SCLT1: variants seen among roughly 807,000 people sequenced by gnomAD.
The protein encoded by SCLT1 is sodium channel and clathrin linker 1, also known as sodium channel-associated protein 1.
In SCLT1, 78 loss-of-function variants were observed where a neutral mutation model predicts 112.8. The ratio of observed to expected loss-of-function variants is 0.69; its 90% confidence interval spans 0.58 to 0.83. SCLT1 has a LOEUF of 0.83. Among genes scored for constraint, SCLT1 ranks in the 40% least tolerant of loss-of-function variants. SCLT1 has a pLI of 0.00. For missense variants in SCLT1, 747 were observed against 770.4 expected, an observed-to-expected ratio of 0.97 and a Z score of 0.36; for synonymous variants, 257 against 254.7, an observed-to-expected ratio of 1.01 and a Z score of -0.09.
intron 12 of SCLT1, among the ~76,000 whole-genome samples, chr4:128,958,622 G>A (rs562265930): frequency 6.6e-6 from 1 of 152,136 alleles, no homozygotes; most frequent in East Asian, 1.9e-4. Flanking sequence ...GGCTTCAGAG[G>A]GTAGAGATAA....
chr4:129,059,924 T>A (rs570245863), intron 2 of SCLT1, among the ~76,000 whole-genome samples: 2 of 152,316 alleles, frequency 1.3e-5, no homozygotes, highest in African/African-American at 2.4e-5. Context: ...AGCTATTATT[T>A]CATTAATAGG....
chr4:128,936,707 C>T lies in SCLT1; in HGVS notation c.1777G>A (p.Glu593Lys). The T allele has an allele frequency of 6.2e-7, 1 of 1,609,784 alleles. No individual in the cohort carries two copies. The highest frequency in any genetic ancestry group is 8.5e-7 in the Non-Finnish European group (1 of 1,178,784). ...TQQKAANRWK[E>K]ETKKLTESAE... ...CTTTCAGTAAGTTTCTTCGTTTCTT[C>T]TTTCCACCTATTGGCTGCCTTCTGT... Residue 593 changes from glutamate to lysine, a missense_variant, in exon 18 of 21, where the codon GAA becomes AAA. This residue lies in a region of SCLT1 where 723 missense variants were observed against 721.3 expected (regional missense o/e 1.00). Coordinates refer to ENST00000281142, the MANE Select transcript of SCLT1 (RefSeq NM_144643.4).
At chr4:128,962,495 G>A (rs1037394832) in intron 11 of SCLT1, among the ~76,000 whole-genome samples, 1 of 152,012 alleles carries the variant, frequency 6.6e-6, no homozygotes, top group Admixed American at 6.6e-5. Context: ...CCTTTATACT[G>A]ATAATATTAG....
At position 129,033,102 on chromosome 4, in the gene SCLT1, G is replaced by A. The variant is rs527823141; in HGVS notation, c.290+5939C>T. Among the ~76,000 whole-genome samples, 3 of 152,194 alleles carry A rather than the reference G, an allele frequency of 2.0e-5. No homozygotes were observed. The South Asian group carries it at 6.2e-4, about 32-fold the overall frequency. ...CCAACCCAAATGCCCATCAATGAGAGACTGGATAAAGAAAATGTGGCACAT... is the reference window on the plus strand; with the variant it reads ...CCAACCCAAATGCCCATCAATGAGAAACTGGATAAAGAAAATGTGGCACAT... On this transcript the variant is annotated intron_variant, in intron 5 of 20. Transcript: ENST00000281142.
At chr4:128,956,682 C>T (rs1277772472) in intron 13 of SCLT1, among the ~76,000 whole-genome samples, 5 of 151,984 alleles carry the variant, frequency 3.3e-5, no homozygotes, top group Non-Finnish European at 7.4e-5. Flanking sequence ...TTTTTCTAAA[C>T]TGATGGAAGT....
chr4:129,017,105 G>A (rs1212361951), intron 5 of SCLT1, among the ~76,000 whole-genome samples: 1 of 151,810 alleles, frequency 6.6e-6, no homozygotes, highest in Non-Finnish European at 1.5e-5. Context: ...AATCTCAGGA[G>A]TTACTTGAAA....
At chr4:128,877,930 CAT>C (rs1367676237) in intron 3 of SCLT1, among the ~76,000 whole-genome samples, 1 of 152,116 alleles carries the variant, frequency 6.6e-6, no homozygotes, top group Non-Finnish European at 1.5e-5. Flanking sequence ...ATGTAACACA[CAT>C]ACATACAAAC....
At chr4:128,991,926 T>A (rs1298663434) in intron 9 of SCLT1, among the ~76,000 whole-genome samples, 1 of 151,832 alleles carries the variant, frequency 6.6e-6, no homozygotes, top group Non-Finnish European at 1.5e-5. Flanking sequence ...TACTTTGTCA[T>A]TTTATATAAA....
intron 5 of SCLT1, among the ~76,000 whole-genome samples, chr4:129,018,756 G>A (rs1488595900): frequency 2.0e-5 from 3 of 152,052 alleles, no homozygotes; most frequent in Non-Finnish European, 4.4e-5. Flanking sequence ...TTTAAAGTAT[G>A]TATTTTTTAT....
chr4:128,913,972 G>A (rs749546651), intron 18 of SCLT1, among the ~76,000 whole-genome samples: 1 of 152,116 alleles, frequency 6.6e-6, no homozygotes, highest in Non-Finnish European at 1.5e-5. Context: ...GTACTCACCC[G>A]CTCCTCACCA....
At chr4:128,979,844 C>T (rs939968633) in intron 9 of SCLT1, among the ~76,000 whole-genome samples, 1 of 152,164 alleles carries the variant, frequency 6.6e-6, no homozygotes, top group African/African-American at 2.4e-5. Flanking sequence ...GCCAGACCCC[C>T]AAACAAGAAA....
intron 15 of SCLT1, 78 bp from the exon 16 acceptor site, chr4:128,946,230 G>A: frequency 2.3e-6 from 2 of 885,422 alleles, no homozygotes; most frequent in African/African-American, 3.4e-5. Flanking sequence ...AGAAATCAAT[G>A]GAAGAAATAA....
Position 128,948,585 on chromosome 4 carries a change from C to A in SCLT1, c.1219-15G>T. The stretch of plus-strand genomic sequence containing the variant: ...TCAGCACACTCCTATAAATTCAAGT[C>A]ATATTGTAAATATATACATTTGGTA... On this transcript the variant is annotated splice_polypyrimidine_tract_variant and intron_variant, in intron 14 of 20. Coordinates refer to ENST00000281142, the MANE Select transcript of SCLT1 (RefSeq NM_144643.4). The A allele has an allele frequency of 6.4e-7, 1 of 1,570,046 alleles. No individual in the cohort carries two copies. The highest frequency in any genetic ancestry group is 1.1e-5 in the South Asian group (1 of 88,924).
intron 5 of SCLT1, 126 bp downstream of exon 5, chr4:129,038,915 A>T: frequency 1.5e-6 from 1 of 675,716 alleles, no homozygotes; most frequent in Non-Finnish European, 2.7e-6. Flanking sequence ...CAGGAGTCAA[A>T]TAGAAAATCA....
At chr4:128,965,407 A>G (rs1740091904) in intron 10 of SCLT1, 89 bp from the exon 11 acceptor site, 2 of 807,092 alleles carry the variant, frequency 2.5e-6, no homozygotes. Context: ...CTCATGCTAT[A>G]AAGTTATTAT....
In SCLT1 at chr4:128,976,147, C is replaced by T. The variant is rs181356526; in HGVS notation, c.687-5679G>A. On this transcript the variant is annotated intron_variant, in intron 9 of 20. Coordinates refer to ENST00000281142, the MANE Select transcript of SCLT1 (RefSeq NM_144643.4). ...TAGTAGTGTCCATACTTTGTGTGTACGAAAGTGAGCTTTTTGCAACTAATA... is the reference window on the plus strand; with the variant it reads ...TAGTAGTGTCCATACTTTGTGTGTATGAAAGTGAGCTTTTTGCAACTAATA... 6.2e-3 allele frequency among the ~76,000 whole-genome samples: 945 copies of T among 152,178 alleles called. 8 individuals carry two copies. The highest frequency in any genetic ancestry group is 0.044 in the Middle Eastern group (13 of 294).
chr4:129,038,954 A>G (rs1274629770), intron 5 of SCLT1, 87 bp downstream of exon 5: 1 of 831,898 alleles, frequency 1.2e-6, no homozygotes, highest in African/African-American at 1.7e-5. Flanking sequence ...TTAACTATTA[A>G]TACTATAGCT....
intron 18 of SCLT1, among the ~76,000 whole-genome samples, chr4:128,901,313 C>T (rs2125935287): frequency 6.6e-6 from 1 of 152,270 alleles, no homozygotes; most frequent in East Asian, 1.9e-4. Context: ...AAATGTGGCA[C>T]ATATACACCA....
At chr4:128,925,695 T>C (rs886586774) in intron 18 of SCLT1, among the ~76,000 whole-genome samples, 1 of 152,176 alleles carries the variant, frequency 6.6e-6, no homozygotes, top group South Asian at 2.1e-4. Flanking sequence ...TATTTTATAC[T>C]GCTTGATATT....
Sources: gnomAD v4.1 joint callset for allele counts (sites outside exome capture counted in the v4.1 genomes callset) on GRCh38, gnomAD v4.1.1 for gene constraint, gnomAD v4.1.1 regional missense constraint, MANE v1.5 for transcripts, NCBI Gene and HGNC (gene_info 2026-07-23, HGNC 2026-07-21) for gene names.